The following PRDM2 variants were observed in gnomAD, a reference collection of about 807,000 sequenced individuals.
PRDM2 encodes PR/SET domain 2.
A neutral mutation model predicts 130.0 loss-of-function variants in PRDM2; 30 were observed. The observed-to-expected ratio is 0.23, with a 90% CI of 0.17 to 0.31. The LOEUF (loss-of-function observed/expected upper bound fraction) is 0.31, where lower values mean the gene tolerates loss of function less well. Among genes scored for constraint, PRDM2 ranks in the 10% least tolerant of loss-of-function variants. The pLI is 1.00. For missense variants in PRDM2, 2,011 were observed against 2,108.4 expected, an observed-to-expected ratio of 0.95 and a Z score of 0.90; for synonymous variants, 871 against 782.4, an observed-to-expected ratio of 1.11 and a Z score of -1.89.
At chr1:13,713,633 A>G (rs1305664605) in intron 1 of PRDM2, among the ~76,000 whole-genome samples, 3 of 152,204 alleles carry the variant, frequency 2.0e-5, no homozygotes, top group East Asian at 1.9e-4. Flanking sequence ...TTTACCGCAG[A>G]TGTTTTTTGT....
intron 1 of PRDM2, among the ~76,000 whole-genome samples, chr1:13,701,277 T>TA (rs1314271864): frequency 6.6e-6 from 1 of 152,204 alleles, no homozygotes. Context: ...AACCAGACAC[T>TA]AGAAGAATCA....
chr1:13,785,916 G>C (rs774162458), intron 8 of PRDM2, among the ~76,000 whole-genome samples: 42 of 148,904 alleles, frequency 2.8e-4, no homozygotes, highest in Non-Finnish European at 3.9e-4. Flanking sequence ...TTGGCTCACT[G>C]CAAGCTCTGC....
chr1:13,743,573 A>G (rs1367947184), intron 5 of PRDM2, among the ~76,000 whole-genome samples: 1 of 152,174 alleles, frequency 6.6e-6, no homozygotes, highest in African/African-American at 2.4e-5. Context: ...AAAATGTCAT[A>G]GGTTGGAGAA....
chr1:13,794,522 T>C (rs545155844), intron 8 of PRDM2, among the ~76,000 whole-genome samples: 1 of 152,198 alleles, frequency 6.6e-6, no homozygotes, highest in African/African-American at 2.4e-5. Context: ...GGCTTTATCA[T>C]GTGTAGTTCT....
rs568274081 is a variant in PRDM2 at position 13,743,923 on chromosome 1, T to A, written c.384+1766T>A. 2.6e-5 allele frequency among the ~76,000 whole-genome samples: 4 copies of A among 152,312 alleles called. No individual in the cohort carries two copies. In the South Asian group the frequency reaches 8.3e-4, roughly 32 times the overall value. The stretch of plus-strand genomic sequence containing the variant: ...TTCTAGTAGGTATTACTCTACAATT[T>A]TCTTATATAGGAGTGTGAAGTTGGA... On this transcript the variant is annotated intron_variant, in intron 5 of 9. Coordinates refer to ENST00000311066, the MANE Select transcript of PRDM2 (RefSeq NM_001393986.1).
intron 8 of PRDM2, among the ~76,000 whole-genome samples, chr1:13,784,656 C>T (rs1392672641): frequency 2.0e-5 from 3 of 152,208 alleles, no homozygotes; most frequent in African/African-American, 7.2e-5. Flanking sequence ...AATCATGTCT[C>T]TTCTTTGCCC....
chr1:13,812,926 C>G (rs969224708), intron 8 of PRDM2, among the ~76,000 whole-genome samples: 7 of 152,126 alleles, frequency 4.6e-5, no homozygotes, highest in African/African-American at 1.7e-4. Context: ...GAGGGGGAAA[C>G]CGAGGCTCCG....
At chr1:13,791,393 C>T (rs928938852) in intron 8 of PRDM2, among the ~76,000 whole-genome samples, 2 of 152,154 alleles carry the variant, frequency 1.3e-5, no homozygotes, top group East Asian at 1.9e-4. Context: ...GGTTCATCAA[C>T]GGCAACGTGA....
At position 13,821,489 on chromosome 1, in the gene PRDM2, G is replaced by A. The variant is rs141566747; in HGVS notation, c.*24-1670G>A. Among the ~76,000 whole-genome samples, 306 of 150,932 alleles carry A rather than the reference G, an allele frequency of 2.0e-3. 2 individuals carry two copies. Among genetic ancestry groups the A allele is most frequent in the African/African-American group, 7.1e-3 (291 of 40,998 alleles). On this transcript the variant is annotated intron_variant, in intron 9 of 9. Transcript: ENST00000311066. ...ATTTATTTATTTATTTTGAGACAGG[G>A]TTTCACTCTGTCGCCCAGGCTGGAG...
At chr1:13,798,775 G>A (rs1451734090) in intron 8 of PRDM2, among the ~76,000 whole-genome samples, 1 of 152,110 alleles carries the variant, frequency 6.6e-6, no homozygotes, top group African/African-American at 2.4e-5. Flanking sequence ...GGGAATGGGG[G>A]GATCGATCCT....
chr1:13,724,815 G>T (rs953315822), intron 2 of PRDM2, among the ~76,000 whole-genome samples: 2 of 152,156 alleles, frequency 1.3e-5, no homozygotes, highest in African/African-American at 2.4e-5. Context: ...AAAAGATATT[G>T]CAGGGCATAA....
chr1:13,779,047 C>T lies in PRDM2; in HGVS notation c.1252C>T (p.Arg418Trp), dbSNP rs560676423. ...GCGGCGCCATGAAGCAGGGTTAAAG[C>T]GGAAACCCAGCCAAACACTACAGCC... ...HERRHEAGLK[R>W]KPSQTLQPSE... The change falls in exon 8 of 10, where the codon CGG (arginine) becomes TGG (tryptophan). Residue 418 changes from arginine to tryptophan, a missense_variant. By Grantham distance (101) the Arg-to-Trp change is moderately radical (BLOSUM62 -3). Coordinates refer to ENST00000311066, the MANE Select transcript of PRDM2 (RefSeq NM_001393986.1). The surrounding 1 kb of genome is among the most constrained non-coding windows in gnomAD (Gnocchi z 4.9). 1.3e-5 allele frequency: 21 copies of T among 1,613,990 alleles called. No homozygotes were observed. Among genetic ancestry groups the T allele is most frequent in the East Asian group, 2.2e-5 (1 of 44,878 alleles).
At position 13,781,890 on chromosome 1, in the gene PRDM2, G is replaced by A. The variant is rs368548845; in HGVS notation, c.4095G>A (p.Thr1365=). The A allele has an allele frequency of 2.5e-5, 40 of 1,614,130 alleles. No individual in the cohort carries two copies. The highest frequency in any genetic ancestry group is 3.1e-5 in the Non-Finnish European group (37 of 1,180,030). The change falls in exon 8 of 10, where the codon ACG becomes ACA. Residue 1365 remains threonine (T), a synonymous_variant. Transcript: ENST00000311066. The surrounding 1 kb of genome is among the most constrained non-coding windows in gnomAD (Gnocchi z 6.1). ...CTGCAAGTGACAAGAAGAGGTACAC[G>A]CCTAAGAAAAACCCAGTACCATTAA... ...CASASDKKRY[T]PKKNPVPLKQ...
At chr1:13,731,870 T>A (rs1337920125) in intron 3 of PRDM2, among the ~76,000 whole-genome samples, 1 of 152,196 alleles carries the variant, frequency 6.6e-6, no homozygotes, top group Non-Finnish European at 1.5e-5. Flanking sequence ...AAAATTCTCA[T>A]TGGAAACTTA....
chr1:13,761,773 G>A (rs1281114494), intron 6 of PRDM2, among the ~76,000 whole-genome samples: 1 of 152,128 alleles, frequency 6.6e-6, no homozygotes. Context: ...AATAAAATCA[G>A]TAGGTTACAG....
At chr1:13,821,175 A>ATAATAATAC (rs1430362542) in intron 9 of PRDM2, among the ~76,000 whole-genome samples, 1 of 151,912 alleles carries the variant, frequency 6.6e-6, no homozygotes, top group Non-Finnish European at 1.5e-5. Context: ...AATAATAATA[A>ATAATAATAC]TACCTCTCTC....
In PRDM2 at chr1:13,780,398, G is replaced by C; in HGVS notation, c.2603G>C (p.Ser868Thr). 6.2e-7 allele frequency: 1 copy of C among 1,614,196 alleles called. No homozygotes were observed. Among genetic ancestry groups the C allele is most frequent in the Non-Finnish European group, 8.5e-7 (1 of 1,180,044 alleles). The change falls in exon 8 of 10, where the codon AGT (serine) becomes ACT (threonine). Residue 868 changes from serine to threonine, a missense_variant. Ser to Thr is a moderately conservative substitution (Grantham distance 58). Coordinates refer to ENST00000311066, the MANE Select transcript of PRDM2 (RefSeq NM_001393986.1). ...SDSEGKEFKE[S>T]HSVQPTCSAV... The stretch of plus-strand genomic sequence containing the variant: ...TCTGAAGGCAAGGAATTCAAAGAAA[G>C]TCATTCAGTGCAGCCTACGTGTAGT...
rs114005658 is a variant in PRDM2, at chr1:13,718,221, G to A, written c.9+2607G>A. ...ATAAAATCCCGATGGTTATTTTAGG[G>A]TTAGGTTATTCTCCCCAGGAATGGA... On this transcript the variant is annotated intron_variant, in intron 2 of 9. Coordinates refer to ENST00000311066, the MANE Select transcript of PRDM2 (RefSeq NM_001393986.1). 1.8e-4 allele frequency among the ~76,000 whole-genome samples: 27 copies of A among 152,274 alleles called. No homozygotes were observed. In the East Asian group the frequency reaches 5.2e-3, roughly 29 times the overall value.
intron 2 of PRDM2, among the ~76,000 whole-genome samples, chr1:13,723,250 C>T (rs1642792488): frequency 6.6e-6 from 1 of 152,216 alleles, no homozygotes; most frequent in Non-Finnish European, 1.5e-5. Context: ...AAGCACTGCA[C>T]TGTCCCCTCC....
Sources: gnomAD v4.1 joint callset for allele counts (sites outside exome capture counted in the v4.1 genomes callset) on GRCh38, gnomAD v4.1.1 for gene constraint, Gnocchi (gnomAD v3.1) non-coding constraint, MANE v1.5 for transcripts, NCBI Gene and HGNC (gene_info 2026-07-23, HGNC 2026-07-21) for gene names.